The following ANKRA2 variants were observed in gnomAD, a reference collection of about 807,000 sequenced individuals.
ANKRA2 encodes the protein ankyrin repeat family A protein 2.
Under a neutral mutation model 37.8 loss-of-function variants are expected in ANKRA2, and 33 were observed. That is an observed-to-expected ratio of 0.87 (90% CI 0.66 to 1.17). The LOEUF is 1.17. ANKRA2 is among the 50% of genes most tolerant of loss of function. The pLI, the probability that ANKRA2 is intolerant of heterozygous loss-of-function variation, is 0.00. For missense variants in ANKRA2, 326 were observed against 373.7 expected (o/e 0.87, Z 1.05); for synonymous variants, 126 against 132.3 (o/e 0.95, Z 0.33).
chr5:73,555,192 C>T, intron 5 of ANKRA2: 1 of 1,390,908 alleles, frequency 7.2e-7, no homozygotes, highest in Non-Finnish European at 9.3e-7. Context: ...TCCTAATTAT[C>T]CTTTCACTCT....
intron 3 of ANKRA2, among the ~76,000 whole-genome samples, chr5:73,559,509 A>G (rs1460425335): frequency 6.6e-6 from 1 of 152,148 alleles, no homozygotes; most frequent in African/African-American, 2.4e-5. Flanking sequence ...TTACAGTGCA[A>G]ATCACTCAGC....
chr5:73,555,309 T>G, intron 5 of ANKRA2, 179 bp downstream of exon 5: 1 of 1,226,812 alleles, frequency 8.2e-7, no homozygotes, highest in Non-Finnish European at 1.1e-6. Context: ...TTCTCACTGT[T>G]GCATGTATGA....
intron 1 of ANKRA2, among the ~76,000 whole-genome samples, chr5:73,564,611 CA>C (rs1217388255): frequency 1.3e-5 from 2 of 152,160 alleles, no homozygotes; most frequent in African/African-American, 4.8e-5. Context: ...CACTCCTGGA[CA>C]AATAAATAAT....
At chr5:73,555,309 T>C (rs1424177655) in intron 5 of ANKRA2, 179 bp downstream of exon 5, 4 of 1,226,812 alleles carry the variant, frequency 3.3e-6, no homozygotes, top group South Asian at 1.6e-5. Context: ...TTCTCACTGT[T>C]GCATGTATGA....
At chr5:73,557,552 A>C (rs1390611950) in intron 4 of ANKRA2, 23 bp downstream of exon 4, 2 of 1,514,466 alleles carry the variant, frequency 1.3e-6, no homozygotes, top group Admixed American at 3.7e-5. Context: ...AATTTGTTTA[A>C]ATATTTTTAA....
chr5:73,564,248 G>T (rs567639280), intron 1 of ANKRA2, among the ~76,000 whole-genome samples: 70 of 152,342 alleles, frequency 4.6e-4, no homozygotes, highest in African/African-American at 1.6e-3. Context: ...AAAGGGACTG[G>T]ACAATGTGAA....
At position 73,552,593 on chromosome 5, in the gene ANKRA2, A is replaced by T; in HGVS notation, c.*204T>A. 2.2e-6 allele frequency: 1 copy of T among 459,152 alleles called. No homozygotes were observed. The highest frequency in any genetic ancestry group is 3.6e-5 in the South Asian group (1 of 27,618). 28.4% of individuals were successfully genotyped at this position (459,152 alleles called of 1,614,324 possible). A position where few individuals can be genotyped will look rare whatever the true frequency, so the allele number is the denominator to read the frequency against. Reference sequence around the variant, plus strand: ...ACATGCCACGAAAACATTAATTTATAATTTTAAATATACAGTAAAACATAG... The same window carrying T: ...ACATGCCACGAAAACATTAATTTATTATTTTAAATATACAGTAAAACATAG... On this transcript the variant is annotated 3_prime_UTR_variant, in exon 9 of 9. Transcript: ENST00000296785.
intron 7 of ANKRA2, among the ~76,000 whole-genome samples, chr5:73,553,982 G>A (rs1747326613): frequency 6.6e-6 from 1 of 152,106 alleles, no homozygotes; most frequent in Admixed American, 6.5e-5. Flanking sequence ...TGTTGGCCAG[G>A]CTGGTTTGAA....
chr5:73,555,160 T>G (rs1026425594), intron 5 of ANKRA2, 174 bp from the exon 6 acceptor site: 1 of 1,422,630 alleles, frequency 7.0e-7, no homozygotes, highest in Non-Finnish European at 9.1e-7. Context: ...CTGGATGCCT[T>G]CCTTCCTCCG....
rs568187290 is a variant in ANKRA2, at chr5:73,552,675, A to G, written c.*122T>C. 2.5e-6 allele frequency: 2 copies of G among 815,490 alleles called. No homozygotes were observed. The highest frequency in any genetic ancestry group is 2.9e-4 in the Middle Eastern group (1 of 3,454). 50.5% of individuals were successfully genotyped at this position (815,490 alleles called of 1,614,324 possible). On this transcript the variant is annotated 3_prime_UTR_variant, in exon 9 of 9. Transcript: ENST00000296785. ...CAGTGAATTACTCAGAGAAATATTTATTAAAACCTACTAAAAACCAGTAAA... is the reference window on the plus strand; with the variant it reads ...CAGTGAATTACTCAGAGAAATATTTGTTAAAACCTACTAAAAACCAGTAAA...
At chr5:73,553,522 A>G (rs1408935088) in intron 7 of ANKRA2, 36 bp from the exon 8 acceptor site, 1 of 1,519,932 alleles carries the variant, frequency 6.6e-7, no homozygotes, top group South Asian at 1.1e-5. Context: ...AAATGAAATG[A>G]AAATGCAGAT....
intron 7 of ANKRA2, among the ~76,000 whole-genome samples, chr5:73,553,850 T>C (rs1580375511): frequency 6.6e-6 from 1 of 151,958 alleles, no homozygotes; most frequent in East Asian, 1.9e-4. Context: ...TCTCGGCTCA[T>C]TGCAACCTCT....
chr5:73,562,206 G>A (rs1292922517), intron 2 of ANKRA2, among the ~76,000 whole-genome samples: 1 of 151,920 alleles, frequency 6.6e-6, no homozygotes, highest in Non-Finnish European at 1.5e-5. Flanking sequence ...TAGTAGAGAC[G>A]AGGTCTCATC....
intron 7 of ANKRA2, 33 bp downstream of exon 7, chr5:73,554,289 C>T (rs776167386): frequency 3.2e-5 from 51 of 1,591,522 alleles, no homozygotes; most frequent in Non-Finnish European, 4.2e-5. Flanking sequence ...ATCAAGTCCT[C>T]ACATGGCATT....
At chr5:73,553,362 C>T in intron 8 of ANKRA2, 44 bp downstream of exon 8, 1 of 1,467,468 alleles carries the variant, frequency 6.8e-7, no homozygotes. Flanking sequence ...ATACTATTTA[C>T]AGAGCTTTAC....
intron 4 of ANKRA2, 127 bp from the exon 5 acceptor site, chr5:73,555,712 G>T (rs1376503946): frequency 5.2e-6 from 4 of 763,094 alleles, no homozygotes; most frequent in Admixed American, 2.5e-5. Context: ...CTGACTTTAT[G>T]TTGGTGTCCT....
intron 3 of ANKRA2, among the ~76,000 whole-genome samples, chr5:73,558,473 A>G (rs1747459337): frequency 6.6e-6 from 1 of 152,082 alleles, no homozygotes; most frequent in African/African-American, 2.4e-5. Context: ...TCGAGATTCT[A>G]TGGGGTTTTC....
chr5:73,552,766 CA>C lies in ANKRA2; in HGVS notation c.*30del. 6.4e-7 allele frequency: 1 copy of C among 1,569,006 alleles called. No individual in the cohort carries two copies. Among genetic ancestry groups the C allele is most frequent in the Non-Finnish European group, 8.7e-7 (1 of 1,144,426 alleles). Reference sequence around the variant, plus strand: ...TCATTTATAAGGACCAAGAAGTAAACAAAAGGGCAGACATTTTCTGATGACT... The same window carrying C: ...TCATTTATAAGGACCAAGAAGTAAACAAAGGGCAGACATTTTCTGATGACT... On this transcript the variant is annotated 3_prime_UTR_variant, in exon 9 of 9. Transcript: ENST00000296785.
In ANKRA2 at chr5:73,553,782, CT is replaced by C. The variant is rs56080001; in HGVS notation, c.806-297del. Among the ~76,000 whole-genome samples the C allele has an allele frequency of 3.6e-3, 456 of 126,470 alleles. 1 individual carries two copies. Among genetic ancestry groups the C allele is most frequent in the African/African-American group, 0.01 (379 of 36,818 alleles). The allele number at this position is 126,470 out of a possible 152,430, so 83.0% of individuals were successfully genotyped here. ...AATAGTGAATTCATTTTCTTTTCTT[CT>C]TTTTTTTTTTTGACAGAGCCTTGCT... On this transcript the variant is annotated intron_variant, in intron 7 of 8. Coordinates refer to ENST00000296785, the MANE Select transcript of ANKRA2 (RefSeq NM_023039.5).
Sources: gnomAD v4.1 joint callset for allele counts (sites outside exome capture counted in the v4.1 genomes callset) on GRCh38, gnomAD v4.1.1 for gene constraint, MANE v1.5 for transcripts, NCBI Gene and HGNC (gene_info 2026-07-23, HGNC 2026-07-21) for gene names.